DOCK10: variants seen among roughly 807,000 people sequenced by gnomAD.
The protein encoded by DOCK10 is dedicator of cytokinesis 10, also known as dedicator of cytokinesis protein 10.
In DOCK10, 145 loss-of-function variants were observed where a neutral mutation model predicts 280.1. The observed-to-expected ratio is 0.52, with a 90% CI of 0.45 to 0.59. DOCK10 has a LOEUF of 0.59. DOCK10 is among the 20% of genes least tolerant of loss of function. DOCK10 has a pLI of 0.00. For synonymous variants in DOCK10, 915 were observed against 942.2 expected (o/e 0.97, Z 0.53); for missense variants, 2,368 against 2,651.7 (o/e 0.89, Z 2.35).
intron 26 of DOCK10, among the ~76,000 whole-genome samples, chr2:224,831,304 A>G (rs1340024900): frequency 1.3e-5 from 2 of 152,176 alleles, no homozygotes; most frequent in Non-Finnish European, 2.9e-5. Context: ...GTGAAAATGG[A>G]AGGTCATATG....
intron 1 of DOCK10, among the ~76,000 whole-genome samples, chr2:225,011,685 T>C (rs898193391): frequency 3.9e-5 from 6 of 152,140 alleles, no homozygotes; most frequent in African/African-American, 1.4e-4. Flanking sequence ...TTGGGTGCAG[T>C]TGAATGAAAG....
At chr2:224,791,678 C>G (rs984320197) in intron 47 of DOCK10, among the ~76,000 whole-genome samples, 12 of 146,268 alleles carry the variant, frequency 8.2e-5, no homozygotes, top group African/African-American at 3.0e-4. Context: ...GTTTCATCAT[C>G]TTGGCCAGGC....
At chr2:224,815,061 C>T (rs930499778) in intron 30 of DOCK10, among the ~76,000 whole-genome samples, 2 of 152,154 alleles carry the variant, frequency 1.3e-5, no homozygotes, top group Non-Finnish European at 1.5e-5. Context: ...TTGTAATCCA[C>T]ACACGTTAGG....
chr2:224,991,586 GA>G (rs1274383409), intron 1 of DOCK10, among the ~76,000 whole-genome samples: 1 of 152,114 alleles, frequency 6.6e-6, no homozygotes, highest in Non-Finnish European at 1.5e-5. Context: ...TCAAACAGAA[GA>G]GAGAGCCTTG....
intron 50 of DOCK10, among the ~76,000 whole-genome samples, chr2:224,785,640 C>T (rs1691680884): frequency 6.6e-6 from 1 of 151,990 alleles, no homozygotes; most frequent in Admixed American, 6.6e-5. Flanking sequence ...GCCACCACAC[C>T]CGGCTAATTT....
chr2:225,014,281 T>A (rs904384683), intron 1 of DOCK10, among the ~76,000 whole-genome samples: 21 of 152,052 alleles, frequency 1.4e-4, no homozygotes, highest in Non-Finnish European at 2.5e-4. Flanking sequence ...TTTTTATATA[T>A]CCTTTGGAGA....
At chr2:225,024,748 G>A (rs13406610) in intron 1 of DOCK10, among the ~76,000 whole-genome samples, 31,246 of 151,136 alleles carry the variant, frequency 0.21, 3,499 homozygotes, top group African/African-American at 0.23. Flanking sequence ...AAATTTAGCC[G>A]GGCATAGTGG....
rs887839399 is a variant in DOCK10, at chr2:224,865,149, G to C, written c.1258-62C>G. 6.8e-6 allele frequency: 10 copies of C among 1,474,942 alleles called. No homozygotes were observed. The Admixed American group carries it at 7.0e-5, about 10-fold the overall frequency. 91.4% of individuals were successfully genotyped at this position (1,474,942 alleles called of 1,614,324 possible). On this transcript the variant is annotated intron_variant, in intron 11 of 55. Transcript: ENST00000258390. ...AAATCATTATCCATGAGACAGCCTC[G>C]TTAGTACATCATTTAACAAAGCAGT...
At chr2:224,811,945 C>T (rs1693812979) in intron 31 of DOCK10, among the ~76,000 whole-genome samples, 1 of 152,086 alleles carries the variant, frequency 6.6e-6, no homozygotes, top group Admixed American at 6.5e-5. Flanking sequence ...GTTCTTTTGG[C>T]TTAGGATTGA....
intron 40 of DOCK10, 139 bp from the exon 41 acceptor site, chr2:224,800,402 T>C: frequency 1.9e-6 from 1 of 524,264 alleles, no homozygotes; most frequent in Non-Finnish European, 3.4e-6. Context: ...TGTTTTTGTT[T>C]GTTCAGTTTC....
At chr2:224,963,102 G>A (rs1704542068) in intron 1 of DOCK10, among the ~76,000 whole-genome samples, 1 of 152,130 alleles carries the variant, frequency 6.6e-6, no homozygotes, top group African/African-American at 2.4e-5. Context: ...CCCTCTGGAT[G>A]GGCCATGCCT....
chr2:224,778,143 T>C lies in DOCK10; in HGVS notation c.5797A>G (p.Asn1933Asp), dbSNP rs749415957. 2 of 1,613,154 alleles carry C rather than the reference T, an allele frequency of 1.2e-6. No homozygotes were observed. Among genetic ancestry groups the C allele is most frequent in the Admixed American group, 3.3e-5 (2 of 59,916 alleles). ...ADNVKIIQDS[N>D]KVNPKDLDPK... The stretch of plus-strand genomic sequence containing the variant: ...GAATACTGATTTTCCTCTACCTTGT[T>C]GGAATCCTGGATTATCTTCACATTG... The change falls in exon 51 of 56, where the codon AAC (asparagine) becomes GAC (aspartate). Residue 1933 changes from asparagine to aspartate, a missense_variant. Around this residue, in one of 2 missense-constraint regions of DOCK10, gnomAD observed 1,159 missense variants for 1,400.8 expected, o/e 0.83. Transcript: ENST00000258390.
chr2:224,952,115 G>A (rs1703773141), intron 1 of DOCK10, among the ~76,000 whole-genome samples: 1 of 152,140 alleles, frequency 6.6e-6, no homozygotes, highest in Non-Finnish European at 1.5e-5. Flanking sequence ...CTACTTTAAG[G>A]CCACCTGATG....
In DOCK10 at chr2:224,864,944, G is replaced by A. The variant is rs572940550; in HGVS notation, c.1401C>T (p.Ile467=). 24 of 1,613,848 alleles carry A rather than the reference G, an allele frequency of 1.5e-5. No homozygotes were observed. The highest frequency in any genetic ancestry group is 9.9e-5 in the South Asian group (9 of 91,072). The change falls in exon 12 of 56, where the codon ATC becomes ATT. Residue 467 remains isoleucine (I), a synonymous_variant. Coordinates refer to ENST00000258390, the MANE Select transcript of DOCK10 (RefSeq NM_014689.3). ...GASVALENGN[I]DTITPRQSEE... ...CTGATTGTCTTGGAGTGATGGTGTC[G>A]ATGTTGCCATTTTCCAAAGCCACAG...
chr2:224,808,430 A>G (rs1368960059), intron 31 of DOCK10, among the ~76,000 whole-genome samples: 1 of 152,186 alleles, frequency 6.6e-6, no homozygotes, highest in Non-Finnish European at 1.5e-5. Context: ...ATCCATCAAG[A>G]TGAGTCTTTG....
chr2:224,954,061 T>G (rs6727375), intron 1 of DOCK10, among the ~76,000 whole-genome samples: 36,099 of 152,124 alleles, frequency 0.24, 4,602 homozygotes, highest in Admixed American at 0.28. Context: ...GTACTCCAAT[T>G]ATAGCCTTTC....
intron 1 of DOCK10, among the ~76,000 whole-genome samples, chr2:224,968,754 T>C (rs1704913687): frequency 6.6e-6 from 1 of 152,222 alleles, no homozygotes; most frequent in Non-Finnish European, 1.5e-5. Context: ...GGATGTAACA[T>C]CATAAACGAG....
intron 1 of DOCK10, among the ~76,000 whole-genome samples, chr2:224,988,590 G>A (rs1706036893): frequency 6.6e-6 from 1 of 152,166 alleles, no homozygotes; most frequent in Non-Finnish European, 1.5e-5. Flanking sequence ...GGCAGAATCA[G>A]AATTAGAACT....
chr2:225,036,869 C>T (rs1335046749), intron 1 of DOCK10, among the ~76,000 whole-genome samples: 1 of 151,378 alleles, frequency 6.6e-6, no homozygotes, highest in Non-Finnish European at 1.5e-5. Context: ...GTCCCAATGA[C>T]TTACATCTGA....
Sources: allele counts gnomAD v4.1 joint callset (sites outside exome capture counted in the v4.1 genomes callset), GRCh38; gene constraint gnomAD v4.1.1; regional missense constraint gnomAD v4.1.1; transcripts MANE v1.5; gene names NCBI Gene and HGNC (gene_info 2026-07-23, HGNC 2026-07-21).